MGAT4A: variants seen among roughly 807,000 people sequenced by gnomAD.
The protein encoded by MGAT4A is N-acetylglucosaminyltransferase IVa.
Under a neutral mutation model 74.1 loss-of-function variants are expected in MGAT4A, and 33 were observed. That is an observed-to-expected ratio of 0.45 (90% confidence interval 0.34 to 0.60). The LOEUF (loss-of-function observed/expected upper bound fraction) is 0.60. Ranked by LOEUF, MGAT4A falls within the 20% of genes least tolerant of loss-of-function variation. The pLI is 0.02. For missense variants in MGAT4A, 479 were observed against 628.3 expected (o/e 0.76, Z 2.54); for synonymous variants, 198 against 210.4 (o/e 0.94, Z 0.51).
intron 2 of MGAT4A, among the ~76,000 whole-genome samples, chr2:98,701,028 C>G (rs1702350012): frequency 6.6e-6 from 1 of 152,054 alleles, no homozygotes; most frequent in African/African-American, 2.4e-5. Context: ...TAGAATACAG[C>G]TGAGTTCTCA....
intron 4 of MGAT4A, 97 bp downstream of exon 4, chr2:98,674,938 A>C (rs921317493): frequency 1.5e-6 from 2 of 1,301,936 alleles, no homozygotes; most frequent in Admixed American, 2.5e-5. Flanking sequence ...AAGAACTTTC[A>C]TTTTTTGACC....
chr2:98,623,844 T>G lies in MGAT4A; in HGVS notation c.*1722A>C, dbSNP rs1421720076. ...ACATTGGGTAACTAGATGAAGCTCC[T>G]CCAGGCTAGAGGCAGCCAGCTGGAA... On this transcript the variant is annotated 3_prime_UTR_variant, in exon 16 of 16. Transcript: ENST00000393487. The G allele has an allele frequency of 1.0e-6, 1 of 985,308 alleles. No homozygotes were observed. Among genetic ancestry groups the G allele is most frequent in the Non-Finnish European group, 1.2e-6 (1 of 829,968 alleles). 61.0% of individuals were successfully genotyped at this position (985,308 alleles called of 1,614,324 possible). A position where few individuals can be genotyped will look rare whatever the true frequency, so the allele number is the denominator to read the frequency against.
At chr2:98,645,992 T>C (rs1207579109) in intron 8 of MGAT4A, among the ~76,000 whole-genome samples, 1 of 152,182 alleles carries the variant, frequency 6.6e-6, no homozygotes, top group Non-Finnish European at 1.5e-5. Flanking sequence ...GTAGTGATAA[T>C]GGTATTGATA....
At chr2:98,664,200 CAAAAAAAAAAAAAAAAAAAAAAAA>C (rs57981145) in intron 4 of MGAT4A, among the ~76,000 whole-genome samples, 1 of 51,444 alleles carries the variant, frequency 1.9e-5, no homozygotes, top group African/African-American at 6.7e-5. Context: ...GATTCCATCT[CAAAAAAAAAAAAAAAAAAAAAAAA>C]AAAAAAAGAG....
intron 4 of MGAT4A, among the ~76,000 whole-genome samples, chr2:98,666,721 A>G (rs1559163808): frequency 6.6e-6 from 1 of 152,092 alleles, no homozygotes; most frequent in African/African-American, 2.4e-5. Flanking sequence ...CAGCGTAACA[A>G]CTAGGATGAG....
intron 2 of MGAT4A, chr2:98,695,525 A>C (rs1296324563): frequency 6.1e-6 from 1 of 163,536 alleles, no homozygotes; most frequent in African/African-American, 2.4e-5. Flanking sequence ...TCTTCCCTTC[A>C]AGAAACCTTT....
intron 7 of MGAT4A, 154 bp downstream of exon 7, chr2:98,656,198 C>A: frequency 1.7e-6 from 1 of 592,386 alleles, no homozygotes. Flanking sequence ...GAAAACTCTA[C>A]ATTATTTCCA....
chr2:98,700,039 T>A (rs1308396298), intron 2 of MGAT4A, among the ~76,000 whole-genome samples: 1 of 152,192 alleles, frequency 6.6e-6, no homozygotes, highest in Non-Finnish European at 1.5e-5. Context: ...TTCTGCAAGC[T>A]ATAACCAGAT....
intron 2 of MGAT4A, among the ~76,000 whole-genome samples, chr2:98,683,362 G>A (rs190395052): frequency 1.9e-4 from 29 of 152,278 alleles, no homozygotes; most frequent in Admixed American, 9.2e-4. Flanking sequence ...GAATGTCCTG[G>A]TTCTTAGGAA....
intron 2 of MGAT4A, among the ~76,000 whole-genome samples, chr2:98,685,098 T>C (rs1172656199): frequency 6.6e-6 from 1 of 151,962 alleles, no homozygotes; most frequent in East Asian, 1.9e-4. Context: ...AATTAGCCAG[T>C]GTGGTACTGC....
At chr2:98,646,271 A>C (rs1701484022) in intron 8 of MGAT4A, among the ~76,000 whole-genome samples, 2 of 152,126 alleles carry the variant, frequency 1.3e-5, no homozygotes, top group Non-Finnish European at 2.9e-5. Flanking sequence ...AAAACAAGAC[A>C]ATAGCAATGA....
rs578193045 is a variant in MGAT4A at position 98,687,227 on chromosome 2, GCATTAGAATTCTAATGTAGTTCTA to G, written c.95-8780_95-8757del. On this transcript the variant is annotated intron_variant, in intron 2 of 15. Transcript: ENST00000393487. ...TCCTATGAAGAATCCTCAAGACACAGCATTAGAATTCTAATGTAGTTCTACATTAGAACTACAAAGATAACTACA... is the reference window on the plus strand; with the variant it reads ...TCCTATGAAGAATCCTCAAGACACAGCATTAGAACTACAAAGATAACTACA... Among the ~76,000 whole-genome samples, 802 of 152,264 alleles carry G rather than the reference GCATTAGAATTCTAATGTAGTTCTA, an allele frequency of 5.3e-3. 6 individuals are homozygous for G. Among genetic ancestry groups the G allele is most frequent in the African/African-American group, 0.018 (758 of 41,546 alleles).
intron 5 of MGAT4A, 110 bp downstream of exon 5, chr2:98,662,936 T>C: frequency 2.5e-6 from 2 of 803,058 alleles, no homozygotes; most frequent in South Asian, 3.4e-5. Context: ...TAAGCTTTAC[T>C]CATCACATTT....
chr2:98,636,705 G>T, intron 12 of MGAT4A, 110 bp from the exon 13 acceptor site: 1 of 863,192 alleles, frequency 1.2e-6, no homozygotes, highest in Non-Finnish European at 1.9e-6. Flanking sequence ...CTCTAAGCAA[G>T]CAAAGTTGAC....
chr2:98,678,249 A>AAAAATATATATAT (rs67023324), intron 3 of MGAT4A, 55 bp downstream of exon 3: 22 of 263,882 alleles, frequency 8.3e-5, no homozygotes, highest in Admixed American at 8.3e-4. Context: ...AAAAAAAAAA[A>AAAAATATATATAT]ATATATATAT....
chr2:98,730,643 A>C (rs950920549), intron 1 of MGAT4A, among the ~76,000 whole-genome samples: 1 of 143,954 alleles, frequency 6.9e-6, no homozygotes, highest in Non-Finnish European at 1.5e-5. Context: ...CCGGATCAGC[A>C]CTTTGCTCCA....
intron 4 of MGAT4A, among the ~76,000 whole-genome samples, chr2:98,673,498 G>A (rs1250459511): frequency 2.6e-5 from 4 of 152,060 alleles, no homozygotes; most frequent in African/African-American, 4.8e-5. Flanking sequence ...AATGTTTAAC[G>A]TAAATATGGG....
intron 3 of MGAT4A, among the ~76,000 whole-genome samples, chr2:98,677,818 TTTTTTG>T (rs1350065722): frequency 6.6e-6 from 1 of 150,650 alleles, no homozygotes; most frequent in East Asian, 1.9e-4. Context: ...TTTTTTTTTT[TTTTTTG>T]TAATTTACTA....
chr2:98,624,169 C>T lies in MGAT4A; in HGVS notation c.*1397G>A, dbSNP rs1220918713. ...CTGGGATTACAGGCACCTGCCACCA[C>T]GCCTGGCTAATTTTTTGTATTTTTA... On this transcript the variant is annotated 3_prime_UTR_variant, in exon 16 of 16. Coordinates refer to ENST00000393487, the MANE Select transcript of MGAT4A (RefSeq NM_012214.3). 7 of 502,324 alleles carry T rather than the reference C, an allele frequency of 1.4e-5. No homozygotes were observed. Among genetic ancestry groups the T allele is most frequent in the South Asian group, 8.6e-5 (1 of 11,688 alleles). 31.1% of individuals were successfully genotyped at this position (502,324 alleles called of 1,614,324 possible).
Sources: allele counts gnomAD v4.1 joint callset (sites outside exome capture counted in the v4.1 genomes callset), GRCh38; gene constraint gnomAD v4.1.1; transcripts MANE v1.5; gene names NCBI Gene and HGNC (gene_info 2026-07-23, HGNC 2026-07-21).